BAHCC1: variants seen among roughly 807,000 people sequenced by gnomAD.
BAHCC1 encodes the protein BAH and coiled-coil domain-containing protein 1.
A neutral mutation model predicts 88.2 loss-of-function variants in BAHCC1; 43 were observed. That is an observed-to-expected ratio of 0.49 (90% CI 0.38 to 0.63). The LOEUF is 0.63. Ranked by LOEUF, BAHCC1 falls within the 20% of genes least tolerant of loss-of-function variation. The pLI is 0.00. For missense variants in BAHCC1, 3,023 were observed against 1,654.8 expected (o/e 1.83, Z -14.34); for synonymous variants, 1,510 against 745.5 (o/e 2.03, Z -16.71).
At chr17:81,451,645 G>A in intron 11 of BAHCC1, 23 bp from the exon 12 acceptor site, 1 of 768,994 alleles carries the variant, frequency 1.3e-6, no homozygotes, top group Non-Finnish European at 2.4e-6. Context: ...TTATGCCCAT[G>A]CTGACCTTCC....
At position 81,456,523 on chromosome 17, in the gene BAHCC1, A is replaced by G. The variant is rs782305258; in HGVS notation, c.4796A>G (p.His1599Arg). The G allele has an allele frequency of 2.8e-5, 20 of 716,146 alleles. No homozygotes were observed. In the South Asian group the frequency reaches 3.0e-4, roughly 11 times the overall value. The allele number at this position is 716,146 out of a possible 1,614,324, so 44.4% of individuals were successfully genotyped here. A position where few individuals can be genotyped will look rare whatever the true frequency, so the allele number is the denominator to read the frequency against. Residue 1599 changes from histidine (H) to arginine (R), a missense_variant, in exon 16 of 28, where the codon CAC becomes CGC. By Grantham distance (29) the His-to-Arg change is conservative (BLOSUM62 0). Coordinates refer to ENST00000675386, the MANE Select transcript of BAHCC1 (RefSeq NM_001377448.1). ...GATRHPQPKG[H>R]GSRETPRCPA... ...ACACGGCACCCACAGCCCAAGGGCC[A>G]CGGCAGCCGGGAGACACCCAGGTGC...
In BAHCC1 at chr17:81,435,705, C is replaced by T. The variant is rs1555651634; in HGVS notation, c.359-2665C>T. ...CCCTCCCTGCCATCTGGGGCCTCTA[C>T]TGTCCCCCTGGAGCCCTCCCCAGGA... is the stretch of plus-strand genomic sequence containing the variant. On this transcript the variant is annotated intron_variant, in intron 3 of 27. Coordinates refer to ENST00000675386, the MANE Select transcript of BAHCC1 (RefSeq NM_001377448.1). This position sits in a 1 kb window ranked among gnomAD's most constrained non-coding sequence, Gnocchi z 4.4. Among the ~76,000 whole-genome samples, 2 of 152,006 alleles carry T rather than the reference C, an allele frequency of 1.3e-5. No homozygotes were observed. Among genetic ancestry groups the T allele is most frequent in the Non-Finnish European group, 2.9e-5 (2 of 67,984 alleles).
In BAHCC1 at chr17:81,457,497, C is replaced by G; in HGVS notation, c.4946C>G (p.Ala1649Gly). 1 of 762,354 alleles carries G rather than the reference C, an allele frequency of 1.3e-6. No homozygotes were observed. The highest frequency in any genetic ancestry group is 2.4e-6 in the Non-Finnish European group (1 of 409,896). 47.2% of individuals were successfully genotyped at this position (762,354 alleles called of 1,614,324 possible). ...REAGLLLHTGASVAVLGPSPS... is the reference protein window; with the variant it reads ...REAGLLLHTGGSVAVLGPSPS... ...GCAGGGCTGCTGCTGCACACCGGGGCCAGTGTGGCCGTGCTGGGGCCCTCA... is the reference window on the plus strand; with the variant it reads ...GCAGGGCTGCTGCTGCACACCGGGGGCAGTGTGGCCGTGCTGGGGCCCTCA... Residue 1649 changes from alanine to glycine, a missense_variant, in exon 17 of 28, where the codon GCC (alanine) becomes GGC (glycine). Physicochemically the swap from Ala to Gly is moderately conservative, Grantham distance 60. Transcript: ENST00000675386.
At chr17:81,450,306 C>T (rs781874244) in intron 11 of BAHCC1, among the ~76,000 whole-genome samples, 1 of 152,158 alleles carries the variant, frequency 6.6e-6, no homozygotes, top group African/African-American at 2.4e-5. Context: ...GACCCCGTTC[C>T]TGGTCTCTGT....
At chr17:81,448,453 C>T (rs2064573712) in intron 11 of BAHCC1, among the ~76,000 whole-genome samples, 1 of 152,130 alleles carries the variant, frequency 6.6e-6, no homozygotes. Flanking sequence ...CTTCGTCCAC[C>T]CTGGGCCTTG....
At chr17:81,415,949 G>C (rs1286553378) in intron 2 of BAHCC1, among the ~76,000 whole-genome samples, 2 of 151,388 alleles carry the variant, frequency 1.3e-5, no homozygotes, top group Non-Finnish European at 3.0e-5. Flanking sequence ...CCTCCAGGCA[G>C]GCCAGGCTGG....
At position 81,451,714 on chromosome 17, in the gene BAHCC1, G is replaced by T. The variant is rs117085423; in HGVS notation, c.4023G>T (p.Thr1341=). The stretch of plus-strand genomic sequence containing the variant: ...CCTTCAACCTGCAGCACCTGGCCAC[G>T]CTGGCCACAGCCTGGTCCCTGGTGG... ...VLAFNLQHLA[T]LATAWSLVEA... Residue 1341 remains threonine, a synonymous_variant, in exon 12 of 28, where the codon ACG becomes ACT. Coordinates refer to ENST00000675386, the MANE Select transcript of BAHCC1 (RefSeq NM_001377448.1). 3 of 776,612 alleles carry T rather than the reference G, an allele frequency of 3.9e-6. No homozygotes were observed. Among genetic ancestry groups the T allele is most frequent in the Non-Finnish European group, 4.8e-6 (2 of 417,690 alleles). The allele number at this position is 776,612 out of a possible 1,614,324, so 48.1% of individuals were successfully genotyped here.
rs1194372264 is a variant in BAHCC1, at chr17:81,461,786, G to A, written c.7123G>A (p.Ala2375Thr). The A allele has an allele frequency of 5.6e-6, 4 of 715,870 alleles. No individual in the cohort carries two copies. Among genetic ancestry groups the A allele is most frequent in the South Asian group, 1.5e-5 (1 of 67,348 alleles). 44.3% of individuals were successfully genotyped at this position (715,870 alleles called of 1,614,324 possible). The part of the protein sequence containing the change: ...PVPTLLAQPE[A>T]LRSKGSGPHA... ...GCCCACCCTCCTGGCCCAGCCCGAG[G>A]CCCTGCGCTCCAAGGGCAGCGGCCC... Residue 2375 changes from alanine to threonine, a missense_variant, in exon 26 of 28, where the codon GCC becomes ACC. Coordinates refer to ENST00000675386, the MANE Select transcript of BAHCC1 (RefSeq NM_001377448.1).
chr17:81,435,368 T>A lies in BAHCC1; in HGVS notation c.359-3002T>A. 1 of 459,258 alleles carries A rather than the reference T, an allele frequency of 2.2e-6. No individual in the cohort carries two copies. The highest frequency in any genetic ancestry group is 4.4e-6 in the Non-Finnish European group (1 of 224,852). The allele number at this position is 459,258 out of a possible 1,614,324, so 28.4% of individuals were successfully genotyped here. On this transcript the variant is annotated intron_variant, in intron 3 of 27. Coordinates refer to ENST00000675386, the MANE Select transcript of BAHCC1 (RefSeq NM_001377448.1). This position sits in a 1 kb window ranked among gnomAD's most constrained non-coding sequence, Gnocchi z 4.4. ...GTTTGGAGTCTCCTGCCCACCGCAG[T>A]AGCAGGGGCAGGATGTGGGGACCTC...
At chr17:81,438,705 C>T (rs2064371890) in intron 4 of BAHCC1, among the ~76,000 whole-genome samples, 1 of 152,172 alleles carries the variant, frequency 6.6e-6, no homozygotes, top group South Asian at 2.1e-4. Flanking sequence ...AGGTTCAGTT[C>T]CCAGGTCACG....
chr17:81,464,108 C>T lies in BAHCC1; in HGVS notation c.*291C>T, dbSNP rs2030536984. 7.8e-6 allele frequency: 4 copies of T among 515,842 alleles called. No individual in the cohort carries two copies. Among genetic ancestry groups the T allele is most frequent in the African/African-American group, 7.7e-5 (4 of 52,236 alleles). The allele number at this position is 515,842 out of a possible 1,614,324, so 32.0% of individuals were successfully genotyped here. A position where few individuals can be genotyped will look rare whatever the true frequency, so the allele number is the denominator to read the frequency against. On this transcript the variant is annotated 3_prime_UTR_variant, in exon 28 of 28. Transcript: ENST00000675386. ...CCCTCCGTTTCCCGCACCGGCAGTT[C>T]ACGGGAGATTTGAATCCAAGCCATA...
chr17:81,426,451 T>TAGCG lies in BAHCC1; in HGVS notation c.179-349_179-348insAGCG, dbSNP rs879097937. Among the ~76,000 whole-genome samples the TAGCG allele has an allele frequency of 8.9e-3, 527 of 59,514 alleles. 102 individuals carry two copies. The highest frequency in any genetic ancestry group is 0.034 in the African/African-American group (506 of 15,066). 39.0% of individuals were successfully genotyped at this position (59,514 alleles called of 152,430 possible). ...TGGTGGGTGATGTGGTTGGGGGTGATGTGGGTGATGTGGTTGGGGGTGATA... is the reference window on the plus strand; with the variant it reads ...TGGTGGGTGATGTGGTTGGGGGTGATAGCGGTGGGTGATGTGGTTGGGGGTGATA... On this transcript the variant is annotated intron_variant, in intron 2 of 27. Transcript: ENST00000675386.
rs535373993 is a variant in BAHCC1, at chr17:81,435,220, T to C, written c.359-3150T>C. On this transcript the variant is annotated intron_variant, in intron 3 of 27. Coordinates refer to ENST00000675386, the MANE Select transcript of BAHCC1 (RefSeq NM_001377448.1). This position sits in a 1 kb window ranked among gnomAD's most constrained non-coding sequence, Gnocchi z 4.4. ...CAGGCCTGGGGGTGGTTGGGAGGGG[T>C]CTGGGGGTGTGGCCATTGTGTCCCC... Among the ~76,000 whole-genome samples, 1 of 152,076 alleles carries C rather than the reference T, an allele frequency of 6.6e-6. No individual in the cohort carries two copies. The highest frequency in any genetic ancestry group is 2.4e-5 in the African/African-American group (1 of 41,472).
chr17:81,446,542 T>C, intron 10 of BAHCC1, among the ~76,000 whole-genome samples: 1 of 70,344 alleles, frequency 1.4e-5, no homozygotes, highest in Non-Finnish European at 3.2e-5. Flanking sequence ...TTTTTTTTTT[T>C]TTTTTTTTTT....
At chr17:81,417,788 G>A (rs1314779958) in intron 2 of BAHCC1, among the ~76,000 whole-genome samples, 3 of 152,172 alleles carry the variant, frequency 2.0e-5, no homozygotes, top group Non-Finnish European at 4.4e-5. Flanking sequence ...CTTCTGGAAG[G>A]TTCTCCTGAG....
At position 81,427,077 on chromosome 17, in the gene BAHCC1, G is replaced by A. The variant is rs969493584; in HGVS notation, c.358+98G>A. On this transcript the variant is annotated intron_variant, in intron 3 of 27. Coordinates refer to ENST00000675386, the MANE Select transcript of BAHCC1 (RefSeq NM_001377448.1). ...CAGGTGAGGGGCTCCCATCGTGGCC[G>A]TGGGAACCTGGCCGGTGGACGGTGA... The A allele has an allele frequency of 8.1e-3, 3,236 of 398,426 alleles. 19 individuals carry two copies. The highest frequency in any genetic ancestry group is 0.011 in the Admixed American group (253 of 22,744). The allele number at this position is 398,426 out of a possible 1,614,324, so 24.7% of individuals were successfully genotyped here.
chr17:81,408,566 A>C (rs938529589), intron 2 of BAHCC1, among the ~76,000 whole-genome samples: 4 of 152,176 alleles, frequency 2.6e-5, no homozygotes, highest in Admixed American at 2.6e-4. Context: ...TCCCGGCGTC[A>C]CATCCTCTCA....
intron 2 of BAHCC1, among the ~76,000 whole-genome samples, chr17:81,418,796 C>CGTGTGTGTGTGTGTGCGCGCAT (rs539655672): frequency 2.9e-4 from 42 of 144,918 alleles, no homozygotes; most frequent in African/African-American, 9.5e-4. Flanking sequence ...TACGTGTGTG[C>CGTGTGTGTGTGTGTGCGCGCAT]GTGTGTGTGT....
At chr17:81,443,648 C>T (rs1027593206) in intron 5 of BAHCC1, 84 bp downstream of exon 5, 12 of 624,518 alleles carry the variant, frequency 1.9e-5, no homozygotes, top group Admixed American at 5.1e-5. Context: ...GGCTCCCCAG[C>T]TCCCACACCT....
Sources: gnomAD v4.1 joint callset for allele counts (sites outside exome capture counted in the v4.1 genomes callset) on GRCh38, gnomAD v4.1.1 for gene constraint, Gnocchi (gnomAD v3.1) non-coding constraint, MANE v1.5 for transcripts, NCBI Gene and HGNC (gene_info 2026-07-23, HGNC 2026-07-21) for gene names.